Variants in KCNQ5 observed in about 807,000 individuals in gnomAD.
KCNQ5 encodes the protein potassium voltage-gated channel subfamily KQT member 5.
Under a neutral mutation model 98.2 loss-of-function variants are expected in KCNQ5, and 30 were observed. That is an observed-to-expected ratio of 0.31 (90% CI 0.23 to 0.41). The LOEUF (loss-of-function observed/expected upper bound fraction) is 0.41, where lower values mean the gene tolerates loss of function less well. Ranked by LOEUF, KCNQ5 falls within the 10% of genes least tolerant of loss-of-function variation. The pLI is 1.00. For missense variants in KCNQ5, 835 were observed against 1,182.5 expected (o/e 0.71, Z 4.31); for synonymous variants, 458 against 449.4 (o/e 1.02, Z -0.24).
chr6:72,867,840 C>G (rs1394504296), intron 1 of KCNQ5, among the ~76,000 whole-genome samples: 1 of 151,790 alleles, frequency 6.6e-6, no homozygotes, highest in Non-Finnish European at 1.5e-5. Context: ...AAGGTCGAGG[C>G]AGGAGGATTG....
chr6:72,676,901 C>T (rs544282883), intron 1 of KCNQ5, among the ~76,000 whole-genome samples: 5 of 151,512 alleles, frequency 3.3e-5, no homozygotes, highest in African/African-American at 9.7e-5. Flanking sequence ...TAACAGGAGT[C>T]TTTAATTCTT....
At chr6:72,696,251 A>AAT (rs1768491930) in intron 1 of KCNQ5, among the ~76,000 whole-genome samples, 1 of 152,228 alleles carries the variant, frequency 6.6e-6, no homozygotes, top group South Asian at 2.1e-4. Flanking sequence ...CAAACAGTGG[A>AAT]ATATTATACA....
chr6:72,789,250 A>G (rs1262369523), intron 1 of KCNQ5, among the ~76,000 whole-genome samples: 1 of 152,086 alleles, frequency 6.6e-6, no homozygotes, highest in Non-Finnish European at 1.5e-5. Context: ...CTCCGCCTCT[A>G]GGTTCAAGGG....
chr6:72,731,233 CA>C (rs1770536965), intron 1 of KCNQ5, among the ~76,000 whole-genome samples: 1 of 152,156 alleles, frequency 6.6e-6, no homozygotes, highest in Non-Finnish European at 1.5e-5. Context: ...TAGTTTTTGT[CA>C]TCCCATCCAA....
chr6:72,988,209 T>C (rs1402918280), intron 1 of KCNQ5, among the ~76,000 whole-genome samples: 2 of 152,202 alleles, frequency 1.3e-5, no homozygotes, highest in Non-Finnish European at 2.9e-5. Flanking sequence ...ATGTATTTAA[T>C]CTTCATAATT....
intron 1 of KCNQ5, among the ~76,000 whole-genome samples, chr6:72,957,476 A>G (rs888642586): frequency 2.0e-5 from 3 of 151,994 alleles, no homozygotes; most frequent in African/African-American, 7.2e-5. Context: ...CAGCCGTAGG[A>G]AGCTTTTTAA....
chr6:72,760,100 G>A (rs1772185711), intron 1 of KCNQ5, among the ~76,000 whole-genome samples: 1 of 152,084 alleles, frequency 6.6e-6, no homozygotes, highest in South Asian at 2.1e-4. Flanking sequence ...GATTCCATAC[G>A]AAGGAGAAGG....
rs564732683 is a variant in KCNQ5 at position 72,832,822 on chromosome 6, T to G, written c.399-171086T>G. Among the ~76,000 whole-genome samples, 21 of 152,270 alleles carry G rather than the reference T, an allele frequency of 1.4e-4. No individual in the cohort carries two copies. In the East Asian group the frequency reaches 4.1e-3, roughly 29 times the overall value. On this transcript the variant is annotated intron_variant, in intron 1 of 13. Coordinates refer to ENST00000370398, the MANE Select transcript of KCNQ5 (RefSeq NM_019842.4). ...AAGTAATTCCAACTGAACACATATA[T>G]GGTAAAAGCCACTGGGAGGAAAACG...
intron 1 of KCNQ5, among the ~76,000 whole-genome samples, chr6:72,720,929 T>G (rs1769923110): frequency 6.6e-6 from 1 of 152,196 alleles, no homozygotes; most frequent in South Asian, 2.1e-4. Flanking sequence ...GATTTTATAT[T>G]TAAGTTTTTG....
At chr6:72,759,897 T>C (rs774601335) in intron 1 of KCNQ5, among the ~76,000 whole-genome samples, 19 of 152,152 alleles carry the variant, frequency 1.2e-4, no homozygotes, top group Middle Eastern at 3.4e-3. Context: ...CTCTGGCCTA[T>C]TTTTCAAATG....
chr6:72,900,485 A>ATATATATATT (rs1554183570), intron 1 of KCNQ5, among the ~76,000 whole-genome samples: 1 of 146,044 alleles, frequency 6.8e-6, no homozygotes, highest in Non-Finnish European at 1.5e-5. Flanking sequence ...TCCATCATAT[A>ATATATATATT]TATATATATA....
chr6:72,700,730 G>C (rs900110950), intron 1 of KCNQ5, among the ~76,000 whole-genome samples: 4 of 152,138 alleles, frequency 2.6e-5, no homozygotes, highest in African/African-American at 9.7e-5. Context: ...GCTGCAACCA[G>C]TTCTCCAGCA....
chr6:73,043,097 G>A (rs1454525715), intron 3 of KCNQ5: 2 of 416,780 alleles, frequency 4.8e-6, no homozygotes, highest in Non-Finnish European at 5.0e-6. Context: ...AATCTTCTCA[G>A]TTTCCTCCCT....
intron 1 of KCNQ5, among the ~76,000 whole-genome samples, chr6:72,652,788 T>C (rs1325186761): frequency 2.0e-5 from 3 of 152,026 alleles, no homozygotes; most frequent in Non-Finnish European, 2.9e-5. Flanking sequence ...CCAATCCTAG[T>C]CAAAGGACTG....
chr6:72,693,142 A>G (rs1337475308), intron 1 of KCNQ5, among the ~76,000 whole-genome samples: 1 of 152,190 alleles, frequency 6.6e-6, no homozygotes, highest in Non-Finnish European at 1.5e-5. Flanking sequence ...GCCATAGGAA[A>G]TGGGTGGGAG....
At chr6:72,844,217 A>G (rs895802407) in intron 1 of KCNQ5, among the ~76,000 whole-genome samples, 3 of 151,544 alleles carry the variant, frequency 2.0e-5, no homozygotes, top group African/African-American at 7.3e-5. Flanking sequence ...TTTGGAGGGA[A>G]TGAGCTCATC....
chr6:72,631,274 T>C (rs2098920641), intron 1 of KCNQ5, among the ~76,000 whole-genome samples: 3 of 152,122 alleles, frequency 2.0e-5, no homozygotes, highest in Non-Finnish European at 4.4e-5. Context: ...CAGCAGCTCT[T>C]GGATGATGAT....
intron 1 of KCNQ5, among the ~76,000 whole-genome samples, chr6:72,691,786 A>G (rs1768224764): frequency 6.6e-6 from 1 of 152,192 alleles, no homozygotes; most frequent in Non-Finnish European, 1.5e-5. Context: ...TTCTTTTGTA[A>G]TATGAATTCA....
chr6:72,778,611 A>C (rs1451537209), intron 1 of KCNQ5, among the ~76,000 whole-genome samples: 1 of 30,992 alleles, frequency 3.2e-5, no homozygotes, highest in Admixed American at 4.4e-4. Context: ...TCCCACCACA[A>C]AAAAAAAGGT....
Sources: gnomAD v4.1 joint callset for allele counts (sites outside exome capture counted in the v4.1 genomes callset) on GRCh38, gnomAD v4.1.1 for gene constraint, MANE v1.5 for transcripts, NCBI Gene and HGNC (gene_info 2026-07-23, HGNC 2026-07-21) for gene names.